LEKR1: variants seen among roughly 807,000 people sequenced by gnomAD.
The protein encoded by LEKR1 is leucine, glutamate and lysine rich 1, also known as protein LEKR1.
In LEKR1, 59 loss-of-function variants were observed where a neutral mutation model predicts 72.4. The observed-to-expected ratio is 0.82, with a 90% CI of 0.66 to 1.01. The LOEUF (loss-of-function observed/expected upper bound fraction) is 1.01. Among genes scored for constraint, LEKR1 ranks in the 50% least tolerant of loss-of-function variants. The pLI, the probability that LEKR1 is intolerant of heterozygous loss-of-function variation, is 0.00. For missense variants in LEKR1, 728 were observed against 759.2 expected (o/e 0.96, Z 0.48); for synonymous variants, 257 against 263.2 (o/e 0.98, Z 0.23).
At chr3:156,869,632 G>T (rs73025844) in intron 3 of LEKR1, among the ~76,000 whole-genome samples, 2,971 of 151,830 alleles carry the variant, frequency 0.02, 103 homozygotes, top group African/African-American at 0.067. Flanking sequence ...ATGGATTGCA[G>T]GTATTTTCTC....
chr3:157,013,285 C>T (rs1733050997), intron 10 of LEKR1, among the ~76,000 whole-genome samples: 1 of 152,102 alleles, frequency 6.6e-6, no homozygotes, highest in African/African-American at 2.4e-5. Flanking sequence ...TCCATATTCA[C>T]ACCCCACTAG....
intron 10 of LEKR1, chr3:157,017,399 T>G (rs1291323009): frequency 6.6e-6 from 1 of 152,192 alleles, no homozygotes; most frequent in Non-Finnish European, 1.5e-5. Flanking sequence ...CAGGGTTGAT[T>G]TGGTTGATCT....
In LEKR1 at chr3:157,045,360, A is replaced by G. The variant is rs1424729317; in HGVS notation, c.1689A>G (p.Thr563=). 10 of 1,610,772 alleles carry G rather than the reference A, an allele frequency of 6.2e-6. No individual in the cohort carries two copies. Among genetic ancestry groups the G allele is most frequent in the Non-Finnish European group, 8.5e-6 (10 of 1,177,780 alleles). ...SQEENTFLQE[T]VRRECEERFE... is the part of the protein sequence containing the mutation. Reference sequence around the variant, plus strand: ...TTCAGAATACTTTTCTTCAGGAGACAGTGCGTAGAGAATGTGAAGAACGCT... The same window carrying G: ...TTCAGAATACTTTTCTTCAGGAGACGGTGCGTAGAGAATGTGAAGAACGCT... The change falls in exon 13 of 13, where the codon ACA becomes ACG. Residue 563 remains threonine (T), a synonymous_variant. Transcript: ENST00000356539.
At chr3:157,026,056 A>G (rs1016761847) in intron 11 of LEKR1, among the ~76,000 whole-genome samples, 19 of 144,848 alleles carry the variant, frequency 1.3e-4, no homozygotes, top group African/African-American at 4.6e-4. Flanking sequence ...TCTCTAAAAG[A>G]AAAAAAAAAA....
At chr3:157,015,482 T>C (rs1733238119) in intron 10 of LEKR1, among the ~76,000 whole-genome samples, 1 of 152,126 alleles carries the variant, frequency 6.6e-6, no homozygotes, top group Admixed American at 6.6e-5. Context: ...GCATCACAAG[T>C]TGAGAATACT....
intron 12 of LEKR1, among the ~76,000 whole-genome samples, chr3:157,040,222 A>G (rs1481978779): frequency 6.6e-6 from 1 of 152,256 alleles, no homozygotes; most frequent in African/African-American, 2.4e-5. Flanking sequence ...AATTAAATCT[A>G]AATTAAGTTG....
intron 2 of LEKR1, among the ~76,000 whole-genome samples, chr3:156,849,809 A>G (rs1402808626): frequency 1.3e-5 from 2 of 152,198 alleles, no homozygotes; most frequent in African/African-American, 4.8e-5. Flanking sequence ...AAAACCCTAG[A>G]AGAAAACCTA....
At chr3:156,850,449 G>T (rs938385980) in intron 2 of LEKR1, among the ~76,000 whole-genome samples, 1 of 152,116 alleles carries the variant, frequency 6.6e-6, no homozygotes, top group African/African-American at 2.4e-5. Flanking sequence ...CAACTCAAGA[G>T]GGTCTGAAGT....
intron 3 of LEKR1, among the ~76,000 whole-genome samples, chr3:156,911,223 ATT>A (rs563763803): frequency 1.4e-5 from 1 of 72,798 alleles, no homozygotes; most frequent in Admixed American, 1.3e-4. Flanking sequence ...TTTGAGAAAT[ATT>A]TTTTCTCAAA....
At chr3:156,876,707 C>T (rs539902081) in intron 3 of LEKR1, among the ~76,000 whole-genome samples, 2 of 152,128 alleles carry the variant, frequency 1.3e-5, no homozygotes. Context: ...TTTATCAGAT[C>T]CAGGAGCATT....
chr3:156,936,426 A>AACACACACACACACAC (rs561039357), intron 5 of LEKR1, among the ~76,000 whole-genome samples: 3 of 76,898 alleles, frequency 3.9e-5, no homozygotes, highest in African/African-American at 2.8e-4. Flanking sequence ...GTACAATGAG[A>AACACACACACACACAC]ACACACACAC....
At chr3:156,980,853 C>G (rs1730136759) in intron 7 of LEKR1, among the ~76,000 whole-genome samples, 1 of 152,128 alleles carries the variant, frequency 6.6e-6, no homozygotes, top group Non-Finnish European at 1.5e-5. Flanking sequence ...AAGGAATAAA[C>G]TTACTGGTAG....
At chr3:156,893,814 G>A (rs1720912546) in intron 3 of LEKR1, among the ~76,000 whole-genome samples, 1 of 152,148 alleles carries the variant, frequency 6.6e-6, no homozygotes, top group East Asian at 1.9e-4. Flanking sequence ...ATCTCCAGGT[G>A]TAGGACTGTC....
intron 10 of LEKR1, among the ~76,000 whole-genome samples, chr3:157,012,678 T>C (rs1382523839): frequency 6.6e-6 from 1 of 152,104 alleles, no homozygotes; most frequent in Non-Finnish European, 1.5e-5. Flanking sequence ...ATAATAAAAA[T>C]GATCACTGTA....
chr3:156,858,320 G>T (rs1716322969), intron 3 of LEKR1, among the ~76,000 whole-genome samples: 1 of 151,926 alleles, frequency 6.6e-6, no homozygotes, highest in South Asian at 2.1e-4. Context: ...TGTCTATTTT[G>T]GCCTTTTTAA....
At chr3:156,968,658 C>A (rs1387331228) in intron 6 of LEKR1, among the ~76,000 whole-genome samples, 1 of 152,078 alleles carries the variant, frequency 6.6e-6, no homozygotes, top group Non-Finnish European at 1.5e-5. Context: ...CTTAGACTCC[C>A]CCACAATAAT....
chr3:156,960,434 C>T (rs1728014998), intron 6 of LEKR1, among the ~76,000 whole-genome samples: 1 of 151,954 alleles, frequency 6.6e-6, no homozygotes, highest in Non-Finnish European at 1.5e-5. Context: ...TACAGACATG[C>T]GCCACCAAGC....
intron 9 of LEKR1, among the ~76,000 whole-genome samples, chr3:157,003,408 C>A (rs1732168095): frequency 6.6e-6 from 1 of 152,152 alleles, no homozygotes; most frequent in African/African-American, 2.4e-5. Context: ...CTTAAAATAA[C>A]ACAGATTTAT....
intron 6 of LEKR1, among the ~76,000 whole-genome samples, chr3:156,951,263 G>C (rs780977914): frequency 6.6e-6 from 1 of 151,750 alleles, no homozygotes; most frequent in Non-Finnish European, 1.5e-5. Flanking sequence ...AATTTGGTTT[G>C]CAAGTATTTT....
Sources: allele counts gnomAD v4.1 joint callset (sites outside exome capture counted in the v4.1 genomes callset), GRCh38; gene constraint gnomAD v4.1.1; transcripts MANE v1.5; gene names NCBI Gene and HGNC (gene_info 2026-07-23, HGNC 2026-07-21).